Variants in VSIG10 observed in about 807,000 individuals in gnomAD.
The protein encoded by VSIG10 is V-set and immunoglobulin domain-containing protein 10.
A neutral mutation model predicts 58.7 loss-of-function variants in VSIG10; 48 were observed. That is an observed-to-expected ratio of 0.82 (90% CI 0.65 to 1.04). The LOEUF (loss-of-function observed/expected upper bound fraction) is 1.04, where lower values mean the gene tolerates loss of function less well. Ranked by LOEUF, VSIG10 falls within the 50% of genes least tolerant of loss-of-function variation. VSIG10 has a pLI of 0.00. For synonymous variants in VSIG10, 260 were observed against 267.1 expected (o/e 0.97, Z 0.26); for missense variants, 628 against 670.0 (o/e 0.94, Z 0.69).
chr12:118,081,414 G>A (rs1051297847), intron 3 of VSIG10, among the ~76,000 whole-genome samples: 4 of 151,842 alleles, frequency 2.6e-5, no homozygotes, highest in East Asian at 2.0e-4. Flanking sequence ...CAACCTCTGC[G>A]TCCCAAGTTC....
intron 1 of VSIG10, among the ~76,000 whole-genome samples, chr12:118,099,186 T>C (rs1486119611): frequency 6.6e-6 from 1 of 152,052 alleles, no homozygotes; most frequent in Non-Finnish European, 1.5e-5. Flanking sequence ...TCCAGGAGAC[T>C]GAAGCTGCAG....
intron 1 of VSIG10, chr12:118,102,596 A>AC (rs1164632036): frequency 6.6e-6 from 1 of 152,186 alleles, no homozygotes; most frequent in Admixed American, 6.5e-5. Context: ...TTGGTTAAAA[A>AC]AAAAAAAGCA....
intron 2 of VSIG10, among the ~76,000 whole-genome samples, chr12:118,083,021 G>C (rs1163746651): frequency 6.8e-6 from 1 of 148,044 alleles, no homozygotes; most frequent in Non-Finnish European, 1.5e-5. Context: ...GCTGAGGCAG[G>C]AGAATCACTT....
chr12:118,075,084 A>ATATATATG lies in VSIG10; in HGVS notation c.926-1100_926-1093dup, dbSNP rs201015407. On this transcript the variant is annotated intron_variant, in intron 4 of 8. Coordinates refer to ENST00000359236, the MANE Select transcript of VSIG10 (RefSeq NM_019086.6). ...ATTTATGTATAAGAAAAAGCATAGT[A>ATATATATG]TATATATGTATATATGTATATATGT... Among the ~76,000 whole-genome samples, 8 of 149,676 alleles carry ATATATATG rather than the reference A, an allele frequency of 5.3e-5. No individual in the cohort carries two copies. The South Asian group carries it at 6.3e-4, about 12-fold the overall frequency.
chr12:118,063,675 A>C lies in VSIG10; in HGVS notation c.*2964T>G, dbSNP rs1249635722. 1 of 152,184 alleles carries C rather than the reference A, an allele frequency of 6.6e-6. No homozygotes were observed. The highest frequency in any genetic ancestry group is 1.5e-5 in the Non-Finnish European group (1 of 68,020). 9.4% of individuals were successfully genotyped at this position (152,184 alleles called of 1,614,324 possible). A position where few individuals can be genotyped will look rare whatever the true frequency, so the allele number is the denominator to read the frequency against. ...AACTAATTTCTCCCAACCTCCCCCC[A>C]CCACATCTTAAAATGTAAATAATGG... On this transcript the variant is annotated 3_prime_UTR_variant, in exon 9 of 9. Transcript: ENST00000359236.
Position 118,066,540 on chromosome 12 carries a change from C to T in VSIG10, c.*99G>A, listed in dbSNP as rs556583563. ...CCCAAACATTGTTAGTGCAAGCCCCCGCCAGGGGTGCAGGTGGAGTCAAAG... is the reference window on the plus strand; with the variant it reads ...CCCAAACATTGTTAGTGCAAGCCCCTGCCAGGGGTGCAGGTGGAGTCAAAG... On this transcript the variant is annotated 3_prime_UTR_variant, in exon 9 of 9. Coordinates refer to ENST00000359236, the MANE Select transcript of VSIG10 (RefSeq NM_019086.6). 92 of 1,385,446 alleles carry T rather than the reference C, an allele frequency of 6.6e-5. 1 individual carries two copies. The highest frequency in any genetic ancestry group is 3.1e-4 in the South Asian group (27 of 86,034). 85.8% of individuals were successfully genotyped at this position (1,385,446 alleles called of 1,614,324 possible).
intron 4 of VSIG10, among the ~76,000 whole-genome samples, chr12:118,076,565 T>A (rs978737425): frequency 6.6e-6 from 1 of 152,060 alleles, no homozygotes; most frequent in African/African-American, 2.4e-5. Context: ...CTCAAACTCC[T>A]GGGCCCAAGC....
At chr12:118,094,657 A>G (rs991344997) in intron 2 of VSIG10, among the ~76,000 whole-genome samples, 8 of 152,262 alleles carry the variant, frequency 5.3e-5, no homozygotes, top group Admixed American at 4.6e-4. Context: ...TGCTGGAATT[A>G]CAGGCATGAG....
chr12:118,096,520 C>G (rs67007670), intron 1 of VSIG10, among the ~76,000 whole-genome samples: 88,914 of 149,270 alleles, frequency 0.6, 28,225 homozygotes, highest in African/African-American at 0.83. Flanking sequence ...AGAGGTTGCG[C>G]TGAGCCGAGA....
intron 8 of VSIG10, among the ~76,000 whole-genome samples, chr12:118,067,774 G>A (rs986483518): frequency 6.6e-6 from 1 of 151,836 alleles, no homozygotes; most frequent in Non-Finnish European, 1.5e-5. Context: ...AACTGGTCTT[G>A]TAAAGCTCCC....
At chr12:118,102,999 T>A (rs973183303) in intron 1 of VSIG10, 4 of 152,226 alleles carry the variant, frequency 2.6e-5, no homozygotes, top group African/African-American at 9.6e-5. Flanking sequence ...CTTTTGTCAA[T>A]CATGTCAAGT....
Position 118,094,392 on chromosome 12 carries a change from C to CT in VSIG10, c.361+1140dup, listed in dbSNP as rs1201328394. ...TAAAGCACTTTATTTGTTTATTTTTCTTTTTTTTTGAGACGGAGTCTAGTT... is the reference window on the plus strand; with the variant it reads ...TAAAGCACTTTATTTGTTTATTTTTCTTTTTTTTTTGAGACGGAGTCTAGTT... On this transcript the variant is annotated intron_variant, in intron 2 of 8. Coordinates refer to ENST00000359236, the MANE Select transcript of VSIG10 (RefSeq NM_019086.6). 2.1e-4 allele frequency among the ~76,000 whole-genome samples: 32 copies of CT among 150,044 alleles called. No homozygotes were observed. The South Asian group carries it at 5.1e-3, about 24-fold the overall frequency.
Position 118,103,720 on chromosome 12 carries a change from CGT to C in VSIG10, c.-51_-50del. 1.4e-6 allele frequency: 2 copies of C among 1,412,682 alleles called. No individual in the cohort carries two copies. Among genetic ancestry groups the C allele is most frequent in the South Asian group, 1.5e-5 (1 of 67,882 alleles). The allele number at this position is 1,412,682 out of a possible 1,614,324, so 87.5% of individuals were successfully genotyped here. ...AAACGCAGGCTCGGGCTGGGCTGGACGTGTGTGCCCCAGGGCCCCGGGGCCCG... is the reference window on the plus strand; with the variant it reads ...AAACGCAGGCTCGGGCTGGGCTGGACGTGTGCCCCAGGGCCCCGGGGCCCG... On this transcript the variant is annotated 5_prime_UTR_variant, in exon 1 of 9. Coordinates refer to ENST00000359236, the MANE Select transcript of VSIG10 (RefSeq NM_019086.6).
chr12:118,103,854 A>G lies in VSIG10; in HGVS notation c.-183T>C. 2 of 519,866 alleles carry G rather than the reference A, an allele frequency of 3.8e-6. No homozygotes were observed. Among genetic ancestry groups the G allele is most frequent in the Non-Finnish European group, 6.2e-6 (2 of 323,386 alleles). The allele number at this position is 519,866 out of a possible 1,614,324, so 32.2% of individuals were successfully genotyped here. On this transcript the variant is annotated 5_prime_UTR_variant, in exon 1 of 9. Transcript: ENST00000359236. Reference sequence around the variant, plus strand: ...GCCGAGTGTCCAGGGCCGGCAGCGGAGCTCGGCTGCAGGCTCGGGTCCCCG... The same window carrying G: ...GCCGAGTGTCCAGGGCCGGCAGCGGGGCTCGGCTGCAGGCTCGGGTCCCCG...
intron 2 of VSIG10, among the ~76,000 whole-genome samples, chr12:118,095,152 C>G (rs999778371): frequency 1.3e-5 from 2 of 152,182 alleles, no homozygotes; most frequent in African/African-American, 4.8e-5. Flanking sequence ...ACCCGCCCAC[C>G]TTGGCCTCCC....
chr12:118,071,955 A>C (rs1323943372), intron 5 of VSIG10, among the ~76,000 whole-genome samples: 1 of 148,334 alleles, frequency 6.7e-6, no homozygotes, highest in Non-Finnish European at 1.5e-5. Context: ...GGATCACCTG[A>C]AGTCGGGAGA....
rs199664258 is a variant in VSIG10, at chr12:118,095,674, G to A, written c.220C>T (p.Arg74Trp). ...AGAGAGAAGCGAGGCTCAGCTGGCC[G>A]GAGGCTAGAGTTGGACGAGAGAAGG... ...VFLLSSNSSLRPAEPRFSLVD... is the reference protein window; with the variant it reads ...VFLLSSNSSLWPAEPRFSLVD... The change falls in exon 2 of 9, where the codon CGG becomes TGG. Residue 74 changes from arginine (R) to tryptophan (W), a missense_variant. Coordinates refer to ENST00000359236, the MANE Select transcript of VSIG10 (RefSeq NM_019086.6). 3.6e-4 allele frequency: 581 copies of A among 1,613,918 alleles called. 1 individual carries two copies. Among genetic ancestry groups the A allele is most frequent in the South Asian group, 6.7e-4 (61 of 91,078 alleles).
Position 118,082,578 on chromosome 12 carries a change from C to T in VSIG10, c.362-149G>A, listed in dbSNP as rs1037744495. 12 of 801,030 alleles carry T rather than the reference C, an allele frequency of 1.5e-5. No individual in the cohort carries two copies. In the South Asian group the frequency reaches 2.1e-4, roughly 14 times the overall value. 49.6% of individuals were successfully genotyped at this position (801,030 alleles called of 1,614,324 possible). A position where few individuals can be genotyped will look rare whatever the true frequency, so the allele number is the denominator to read the frequency against. On this transcript the variant is annotated intron_variant, in intron 2 of 8. Transcript: ENST00000359236. Reference sequence around the variant, plus strand: ...TAGGTGACAAATGCTATGCCAAGTGCCCTGATACATTATTTCATTTAATCC... The same window carrying T: ...TAGGTGACAAATGCTATGCCAAGTGTCCTGATACATTATTTCATTTAATCC...
At chr12:118,089,124 T>C (rs111418251) in intron 2 of VSIG10, among the ~76,000 whole-genome samples, 6,502 of 152,118 alleles carry the variant, frequency 0.043, 167 homozygotes, top group Middle Eastern at 0.11. Flanking sequence ...AAGTTTTGTA[T>C]TTTTAGTAGA....
Sources: allele counts gnomAD v4.1 joint callset (sites outside exome capture counted in the v4.1 genomes callset), GRCh38; gene constraint gnomAD v4.1.1; transcripts MANE v1.5; gene names NCBI Gene and HGNC (gene_info 2026-07-23, HGNC 2026-07-21).